Variants in TDRD3 observed in about 807,000 individuals in gnomAD.
TDRD3 encodes the protein tudor domain-containing protein 3.
In TDRD3, 45 loss-of-function variants were observed where a neutral mutation model predicts 86.7. That is an observed-to-expected ratio of 0.52 (90% CI 0.41 to 0.67). The LOEUF (loss-of-function observed/expected upper bound fraction) is 0.67. Among genes scored for constraint, TDRD3 ranks in the 30% least tolerant of loss-of-function variants. The pLI, the probability that TDRD3 is intolerant of heterozygous loss-of-function variation, is 0.00. For missense variants in TDRD3, 814 were observed against 889.0 expected (o/e 0.92, Z 1.07); for synonymous variants, 298 against 301.7 (o/e 0.99, Z 0.13).
intron 1 of TDRD3, among the ~76,000 whole-genome samples, chr13:60,423,706 AAGG>A (rs1369485630): frequency 2.0e-4 from 31 of 152,320 alleles, no homozygotes; most frequent in Admixed American, 1.8e-3. Context: ...AAAATTGTAA[AAGG>A]AGAAATACAA....
At chr13:60,564,848 C>G (rs1483078414) in intron 12 of TDRD3, among the ~76,000 whole-genome samples, 1 of 152,016 alleles carries the variant, frequency 6.6e-6, no homozygotes, top group East Asian at 1.9e-4. Flanking sequence ...TCTATTAAAT[C>G]AAGCTGTGTG....
chr13:60,477,091 A>C (rs1242693334), intron 5 of TDRD3, among the ~76,000 whole-genome samples: 1 of 151,944 alleles, frequency 6.6e-6, no homozygotes, highest in East Asian at 1.9e-4. Context: ...ACTATGTTGA[A>C]TAGAAGTAGT....
intron 5 of TDRD3, among the ~76,000 whole-genome samples, chr13:60,471,804 C>T (rs906906825): frequency 2.6e-5 from 4 of 151,970 alleles, no homozygotes; most frequent in Non-Finnish European, 4.4e-5. Flanking sequence ...TATAAGATCA[C>T]GTTATCTGTG....
At chr13:60,430,506 T>C (rs1417948928) in intron 1 of TDRD3, among the ~76,000 whole-genome samples, 1 of 152,200 alleles carries the variant, frequency 6.6e-6, no homozygotes, top group Non-Finnish European at 1.5e-5. Context: ...GTTCTGCTTC[T>C]GAATTAATGT....
chr13:60,560,606 G>C (rs544945032), intron 12 of TDRD3, among the ~76,000 whole-genome samples: 1 of 152,138 alleles, frequency 6.6e-6, no homozygotes, highest in Non-Finnish European at 1.5e-5. Context: ...TTTGCTTCTA[G>C]TGTCATTTAA....
At chr13:60,549,912 G>A (rs973612794) in intron 12 of TDRD3, among the ~76,000 whole-genome samples, 10 of 151,772 alleles carry the variant, frequency 6.6e-5, no homozygotes, top group African/African-American at 2.4e-4. Flanking sequence ...ATCCAAATAG[G>A]AAACCAAGTA....
At chr13:60,547,432 G>C (rs1325712790) in intron 12 of TDRD3, 4 of 985,076 alleles carry the variant, frequency 4.1e-6, no homozygotes, top group Non-Finnish European at 4.8e-6. Flanking sequence ...ATGCACAGGA[G>C]GAGTCAGAAG....
intron 3 of TDRD3, among the ~76,000 whole-genome samples, chr13:60,445,118 A>G (rs189301566): frequency 2.0e-5 from 3 of 152,252 alleles, no homozygotes; most frequent in Admixed American, 2.0e-4. Context: ...TATTTAATGA[A>G]CTTATTATAT....
At chr13:60,571,483 T>A (rs1337995740) in intron 13 of TDRD3, among the ~76,000 whole-genome samples, 1 of 152,172 alleles carries the variant, frequency 6.6e-6, no homozygotes, top group Non-Finnish European at 1.5e-5. Flanking sequence ...AAGGTTTTGT[T>A]ATCTGAAATT....
rs1443698623 is a variant in TDRD3, at chr13:60,573,712, ATAT to A, written c.*114_*116del. 2.2e-6 allele frequency: 2 copies of A among 929,356 alleles called. No homozygotes were observed. Among genetic ancestry groups the A allele is most frequent in the South Asian group, 4.9e-5 (1 of 20,238 alleles). 57.6% of individuals were successfully genotyped at this position (929,356 alleles called of 1,614,324 possible). A position where few individuals can be genotyped will look rare whatever the true frequency, so the allele number is the denominator to read the frequency against. On this transcript the variant is annotated 3_prime_UTR_variant, in exon 14 of 14. Coordinates refer to ENST00000377881, the MANE Select transcript of TDRD3 (RefSeq NM_001146070.2). ...TCTTCAGAATAAGTAGCTGTGGTGG[ATAT>A]TATTATTTGAAGAAAGAAAAAACAG...
chr13:60,442,640 C>T (rs989597826), intron 2 of TDRD3, among the ~76,000 whole-genome samples: 9 of 151,984 alleles, frequency 5.9e-5, no homozygotes, highest in Middle Eastern at 3.2e-3. Context: ...AAAAATACAT[C>T]AAAATAACAT....
chr13:60,458,373 T>C (rs1317471565), intron 3 of TDRD3, among the ~76,000 whole-genome samples: 1 of 152,210 alleles, frequency 6.6e-6, no homozygotes, highest in Non-Finnish European at 1.5e-5. Context: ...AGGCAGTTTG[T>C]CACAACACAT....
chr13:60,572,138 T>C (rs1036881401), intron 13 of TDRD3, among the ~76,000 whole-genome samples: 6 of 152,156 alleles, frequency 3.9e-5, no homozygotes, highest in African/African-American at 1.4e-4. Context: ...CCCTTAGACA[T>C]GAAGTTTAAG....
rs528659669 is a variant in TDRD3, at chr13:60,417,732, A to G, written c.41+20327A>G. ...CCTTATATATGAAATACTCTGCACA[A>G]TTCGAACTAGGTATCCCAGGGGCAC... On this transcript the variant is annotated intron_variant, in intron 1 of 13. Coordinates refer to ENST00000377881, the MANE Select transcript of TDRD3 (RefSeq NM_001146070.2). 4.6e-5 allele frequency among the ~76,000 whole-genome samples: 7 copies of G among 152,226 alleles called. No homozygotes were observed. In the South Asian group the frequency reaches 6.2e-4, roughly 14 times the overall value.
At chr13:60,491,801 T>G (rs1956594191) in intron 7 of TDRD3, among the ~76,000 whole-genome samples, 2 of 152,136 alleles carry the variant, frequency 1.3e-5, no homozygotes, top group African/African-American at 2.4e-5. Context: ...TTCAGGTTTT[T>G]TTTTTTTTTA....
At chr13:60,545,438 T>A (rs563508124) in intron 12 of TDRD3, among the ~76,000 whole-genome samples, 7 of 152,280 alleles carry the variant, frequency 4.6e-5, no homozygotes, top group African/African-American at 1.7e-4. Flanking sequence ...TGGTCATGAT[T>A]ATTAAAGAGT....
At chr13:60,395,697 A>G (rs1024852114), upstream of TDRD3, among the ~76,000 whole-genome samples, 1 of 152,224 alleles carries the variant, frequency 6.6e-6, no homozygotes, top group African/African-American at 2.4e-5. Flanking sequence ...ATAATTGGTA[A>G]CAGAAAATTC....
intron 1 of TDRD3, among the ~76,000 whole-genome samples, chr13:60,416,130 T>C (rs904593758): frequency 6.6e-6 from 1 of 152,212 alleles, no homozygotes; most frequent in African/African-American, 2.4e-5. Flanking sequence ...AGATTTAACA[T>C]GGTACAATAT....
At position 60,528,400 on chromosome 13, in the gene TDRD3, G is replaced by A; in HGVS notation, c.1175G>A (p.Gly392Glu). 1.2e-6 allele frequency: 2 copies of A among 1,613,204 alleles called. No individual in the cohort carries two copies. The highest frequency in any genetic ancestry group is 2.2e-5 in the South Asian group (2 of 90,938). ...TCACAGCCACAGCAGCTTCATCAGG[G>A]ACAATACAGATCATCAAATACTGAG... Reference protein sequence around the residue: ...PKSQPQQLHQGQYRSSNTEQN... With the variant: ...PKSQPQQLHQEQYRSSNTEQN... The change falls in exon 11 of 14, where the codon GGA becomes GAA. Residue 392 changes from glycine to glutamate, a missense_variant. Gly to Glu is a moderately conservative substitution (Grantham distance 98). Transcript: ENST00000377881.
Sources: gnomAD v4.1 joint callset for allele counts (sites outside exome capture counted in the v4.1 genomes callset) on GRCh38, gnomAD v4.1.1 for gene constraint, MANE v1.5 for transcripts, NCBI Gene and HGNC (gene_info 2026-07-23, HGNC 2026-07-21) for gene names.